Variants in LTO1 observed in about 807,000 individuals in gnomAD.
LTO1 encodes LTO1 maturation factor of ABCE1.
Under a neutral mutation model 19.8 loss-of-function variants are expected in LTO1, and 18 were observed. That is an observed-to-expected ratio of 0.91 (90% confidence interval 0.63 to 1.35). The LOEUF is 1.35. Among genes scored for constraint, LTO1 ranks in the 40% most tolerant of loss-of-function variants. The pLI, the probability that LTO1 is intolerant of heterozygous loss-of-function variation, is 0.00. For missense variants in LTO1, 175 were observed against 167.9 expected (o/e 1.04, Z -0.23); for synonymous variants, 59 against 59.6 (o/e 0.99, Z 0.05).
chr11:69,672,051 C>T, intron 2 of LTO1: 1 of 504,670 alleles, frequency 2.0e-6, no homozygotes. Flanking sequence ...ATGCCCTGTG[C>T]AGGTCCCTCG....
In LTO1 at chr11:69,667,423, C is replaced by T; in HGVS notation, c.*96G>A. On this transcript the variant is annotated 3_prime_UTR_variant, in exon 5 of 5. Transcript: ENST00000279147. ...GAACCCTCACCCTCCCAATGAACAA[C>T]TGCCTTCCCAGCACCGTCTGGCCCT... 3.6e-6 allele frequency: 3 copies of T among 842,276 alleles called. No individual in the cohort carries two copies. Among genetic ancestry groups the T allele is most frequent in the East Asian group, 4.9e-5 (2 of 40,794 alleles). The allele number at this position is 842,276 out of a possible 1,614,324, so 52.2% of individuals were successfully genotyped here. A position where few individuals can be genotyped will look rare whatever the true frequency, so the allele number is the denominator to read the frequency against.
Position 69,667,851 on chromosome 11 carries a change from G to A in LTO1, c.345+44C>T, listed in dbSNP as rs190786983. On this transcript the variant is annotated intron_variant, in intron 4 of 4. Transcript: ENST00000279147. ...GTGCGCTGCCCCGCCTGGGAAAGGC[G>A]CAATCAGGTGCTCCTAGCAGGAGGA... The A allele has an allele frequency of 7.2e-4, 720 of 996,416 alleles. 3 individuals are homozygous for A. In the African/African-American group the frequency reaches 9.9e-3, roughly 14 times the overall value. 61.7% of individuals were successfully genotyped at this position (996,416 alleles called of 1,614,324 possible).
chr11:69,674,531 G>T (rs1436270222), intron 1 of LTO1: 3 of 347,472 alleles, frequency 8.6e-6, no homozygotes, highest in African/African-American at 4.3e-5. Flanking sequence ...AAATTCCGAA[G>T]AATAATAGGA....
Position 69,667,890 on chromosome 11 carries a change from C to T in LTO1, c.345+5G>A, listed in dbSNP as rs763589522. On this transcript the variant is annotated splice_donor_5th_base_variant and intron_variant, in intron 4 of 4. Coordinates refer to ENST00000279147, the MANE Select transcript of LTO1 (RefSeq NM_153451.3). ...CTAGCAGGAGGAAACACACAGTGCA[C>T]GCACCTGTTTAAATTTTCCTCTGAT... The T allele has an allele frequency of 8.6e-6, 11 of 1,283,156 alleles. No individual in the cohort carries two copies. Among genetic ancestry groups the T allele is most frequent in the East Asian group, 4.6e-5 (2 of 43,478 alleles). 79.5% of individuals were successfully genotyped at this position (1,283,156 alleles called of 1,614,324 possible). A position where few individuals can be genotyped will look rare whatever the true frequency, so the allele number is the denominator to read the frequency against.
Position 69,667,958 on chromosome 11 carries a change from A to C in LTO1, c.282T>G (p.Tyr94Ter). 1 of 1,600,614 alleles carries C rather than the reference A, an allele frequency of 6.2e-7. No individual in the cohort carries two copies. Among genetic ancestry groups the C allele is most frequent in the Non-Finnish European group, 8.6e-7 (1 of 1,167,650 alleles). The change falls in exon 4 of 5, where the codon TAT (tyrosine) becomes TAG (stop). Residue 94 changes from tyrosine to a stop codon, truncating the protein, a stop_gained. Coordinates refer to ENST00000279147, the MANE Select transcript of LTO1 (RefSeq NM_153451.3). LOFTEE classifies it high-confidence loss of function. ...SLIGMIQKFP[Y>*]DDPTYDKLHE... Reference sequence around the variant, plus strand: ...GGAGTTTATCGTAAGTAGGGTCATCATAAGGGAATTTCTGGATCATTCCAA... The same window carrying C: ...GGAGTTTATCGTAAGTAGGGTCATCCTAAGGGAATTTCTGGATCATTCCAA...
intron 4 of LTO1, 38 bp downstream of exon 4, chr11:69,667,857 A>G (rs1338895029): frequency 9.8e-7 from 1 of 1,023,656 alleles, no homozygotes; most frequent in Admixed American, 1.7e-5. Context: ...AGGCGCAATC[A>G]GGTGCTCCTA....
At chr11:69,674,845 C>T (rs1856165714) in intron 1 of LTO1, 1 of 561,970 alleles carries the variant, frequency 1.8e-6, no homozygotes, top group Middle Eastern at 2.7e-4. Flanking sequence ...GATTAAGGAA[C>T]CAGAAAAAAA....
chr11:69,671,596 A>G (rs1274398984), intron 3 of LTO1, 153 bp downstream of exon 3: 2 of 621,896 alleles, frequency 3.2e-6, no homozygotes, highest in Admixed American at 5.4e-5. Context: ...ATTTCCGTTA[A>G]ATCTCCTAAC....
intron 1 of LTO1, among the ~76,000 whole-genome samples, chr11:69,673,636 CCA>C (rs1371573476): frequency 1.3e-5 from 2 of 151,894 alleles, no homozygotes; most frequent in Non-Finnish European, 2.9e-5. Context: ...AGCCTCACCC[CCA>C]GAGATTCAGT....
At position 69,673,080 on chromosome 11, in the gene LTO1, G is replaced by T. The variant is rs570428579; in HGVS notation, c.156+136C>A. ...AGACTCCCAAAGTGCTGGGATTACA[G>T]GTGTGAGTCACCGCGCCCATCCGGC... On this transcript the variant is annotated intron_variant, in intron 2 of 4. Transcript: ENST00000279147. 10 of 710,688 alleles carry T rather than the reference G, an allele frequency of 1.4e-5. 1 individual carries two copies. The South Asian group carries it at 1.5e-4, about 11-fold the overall frequency. The allele number at this position is 710,688 out of a possible 1,614,324, so 44.0% of individuals were successfully genotyped here. A position where few individuals can be genotyped will look rare whatever the true frequency, so the allele number is the denominator to read the frequency against.
At chr11:69,673,466 GA>G (rs1315902484) in intron 1 of LTO1, 145 bp from the exon 2 acceptor site, 1 of 608,386 alleles carries the variant, frequency 1.6e-6, no homozygotes, top group Non-Finnish European at 2.9e-6. Flanking sequence ...AGAAGACACA[GA>G]TTCCAGTCCC....
At position 69,667,908 on chromosome 11, in the gene LTO1, C is replaced by G. The variant is rs1245524822; in HGVS notation, c.332G>C (p.Gly111Ala). ...KLHEDLDKIRGKFKQFCSLLN... is the reference protein window; with the variant it reads ...KLHEDLDKIRAKFKQFCSLLN... ...CAGTGCACGCACCTGTTTAAATTTT[C>G]CTCTGATCTTGTCTAAGTCTTCATG... The change falls in exon 4 of 5, where the codon GGA becomes GCA. Residue 111 changes from glycine (G) to alanine (A), a missense_variant. Coordinates refer to ENST00000279147, the MANE Select transcript of LTO1 (RefSeq NM_153451.3). 1 of 1,503,330 alleles carries G rather than the reference C, an allele frequency of 6.7e-7. No homozygotes were observed. The highest frequency in any genetic ancestry group is 1.7e-5 in the Admixed American group (1 of 59,892). 93.1% of individuals were successfully genotyped at this position (1,503,330 alleles called of 1,614,324 possible).
At chr11:69,674,677 G>A (rs1402996625) in intron 1 of LTO1, 1 of 443,454 alleles carries the variant, frequency 2.3e-6, no homozygotes, top group Non-Finnish European at 4.5e-6. Context: ...AACATCTATG[G>A]ACGCGTCCTC....
chr11:69,667,834 C>T (rs762604816), intron 4 of LTO1, 61 bp downstream of exon 4: 31 of 921,946 alleles, frequency 3.4e-5, no homozygotes, highest in Admixed American at 1.7e-4. Flanking sequence ...GAGTGCGCTG[C>T]CCCGCCTGGG....
chr11:69,674,890 G>C (rs1262822111), intron 1 of LTO1: 7 of 657,884 alleles, frequency 1.1e-5, no homozygotes, highest in African/African-American at 1.8e-5. Context: ...TGTCCTCCCA[G>C]AGGACGAGGC....
At chr11:69,672,938 G>A (rs909590679) in intron 2 of LTO1, 4 of 422,754 alleles carry the variant, frequency 9.5e-6, no homozygotes, top group Non-Finnish European at 1.8e-5. Context: ...AAGTGGCTGG[G>A]ATTACAGGCA....
intron 1 of LTO1, chr11:69,674,784 G>A (rs963900464): frequency 6.4e-6 from 3 of 468,184 alleles, no homozygotes; most frequent in Non-Finnish European, 1.3e-5. Flanking sequence ...GAAAAGGGGT[G>A]TGGTCGGGTA....
chr11:69,673,130 A>G (rs1400015670), intron 2 of LTO1, 86 bp downstream of exon 2: 1 of 866,434 alleles, frequency 1.2e-6, no homozygotes, highest in Non-Finnish European at 2.0e-6. Context: ...AGGCCTGACA[A>G]TTCTTACTCC....
At chr11:69,669,027 CAAA>C (rs33977473) in intron 3 of LTO1, among the ~76,000 whole-genome samples, 8,411 of 110,644 alleles carry the variant, frequency 0.076, 853 homozygotes, top group African/African-American at 0.25. Context: ...GAATCCGTCT[CAAA>C]AAAAAAAAAA....
Sources: allele counts gnomAD v4.1 joint callset (sites outside exome capture counted in the v4.1 genomes callset), GRCh38; gene constraint gnomAD v4.1.1; transcripts MANE v1.5; gene names NCBI Gene and HGNC (gene_info 2026-07-23, HGNC 2026-07-21).